Variants in TXNDC9 observed in about 807,000 individuals in gnomAD.
TXNDC9 encodes thioredoxin domain containing 9.
TXNDC9 carries 7 observed loss-of-function variants against 23.0 expected under a neutral mutation model. That is an observed-to-expected ratio of 0.30 (90% CI 0.17 to 0.57). TXNDC9 has a LOEUF of 0.57. Ranked by LOEUF, TXNDC9 falls within the 20% of genes least tolerant of loss-of-function variation. The pLI, the probability that TXNDC9 is intolerant of heterozygous loss-of-function variation, is 0.90. For synonymous variants in TXNDC9, 72 were observed against 90.6 expected, an observed-to-expected ratio of 0.79 and a Z score of 1.17; for missense variants, 198 against 252.6, an observed-to-expected ratio of 0.78 and a Z score of 1.47.
chr2:99,315,021 G>A (rs557190015), downstream of TXNDC9, among the ~76,000 whole-genome samples: 115 of 146,068 alleles, frequency 7.9e-4, no homozygotes, highest in Middle Eastern at 3.9e-3. Flanking sequence ...TCAGCCTCCC[G>A]AGTAGCTGGG....
rs866148310 is a variant in TXNDC9 at position 99,333,034 on chromosome 2, T to C, written c.177A>G (p.Gln59=). The change falls in exon 2 of 5, where the codon CAA becomes CAG. Residue 59 remains glutamine, a synonymous_variant. Transcript: ENST00000264255. ...EKRLQALRKA[Q]QQKQEWLSKG... ...GCAGAGAGGTTACTTGTTTCTGCTG[T>C]TGAGCTTTCCTTAGTGCCTGGAGTC... The C allele has an allele frequency of 6.2e-7, 1 of 1,613,696 alleles. No homozygotes were observed. Among genetic ancestry groups the C allele is most frequent in the Non-Finnish European group, 8.5e-7 (1 of 1,179,688 alleles).
chr2:99,324,012 A>G (rs538932583), intron 3 of TXNDC9, among the ~76,000 whole-genome samples: 2 of 151,922 alleles, frequency 1.3e-5, no homozygotes, highest in South Asian at 4.2e-4. Flanking sequence ...CGCCCGGCTA[A>G]TTTTTGTATT....
At chr2:99,318,150 CCA>C (rs1377314225), downstream of TXNDC9, among the ~76,000 whole-genome samples, 1 of 152,196 alleles carries the variant, frequency 6.6e-6, no homozygotes. Context: ...CTTGGCCTCC[CCA>C]AGTGCTGGGA....
At chr2:99,335,622 G>A (rs1173694433) in intron 1 of TXNDC9, among the ~76,000 whole-genome samples, 1 of 152,186 alleles carries the variant, frequency 6.6e-6, no homozygotes, top group Non-Finnish European at 1.5e-5. Context: ...CAGTGAGGGG[G>A]CTGGAAGGAG....
chr2:99,315,156 G>A (rs2094186180), downstream of TXNDC9, among the ~76,000 whole-genome samples: 3 of 150,856 alleles, frequency 2.0e-5, no homozygotes, highest in Admixed American at 1.3e-4. Flanking sequence ...TCTGCCTCCT[G>A]GGTTCATGCC....
intron 4 of TXNDC9, 72 bp from the exon 5 acceptor site, chr2:99,319,871 C>T (rs2094197449): frequency 1.1e-6 from 1 of 902,414 alleles, no homozygotes; most frequent in African/African-American, 1.7e-5. Flanking sequence ...AAAAATCTAT[C>T]TTTGTTTTCT....
chr2:99,315,690 A>C (rs927959485), downstream of TXNDC9, among the ~76,000 whole-genome samples: 2 of 152,204 alleles, frequency 1.3e-5, no homozygotes, highest in Non-Finnish European at 2.9e-5. Flanking sequence ...ACTTTTGTAT[A>C]TCGCATAAAG....
chr2:99,323,988 G>A (rs1313927276), intron 3 of TXNDC9, among the ~76,000 whole-genome samples: 2 of 152,076 alleles, frequency 1.3e-5, no homozygotes, highest in Non-Finnish European at 2.9e-5. Context: ...TGGGATTACA[G>A]GCACCTGCCA....
downstream of TXNDC9, among the ~76,000 whole-genome samples, chr2:99,317,476 G>A (rs889083412): frequency 2.0e-5 from 3 of 152,108 alleles, no homozygotes; most frequent in Non-Finnish European, 2.9e-5. Flanking sequence ...CAGTCTGGGC[G>A]TGTGCAGTCA....
At chr2:99,333,285 A>T in intron 1 of TXNDC9, 43 bp from the exon 2 acceptor site, 1 of 1,486,242 alleles carries the variant, frequency 6.7e-7, no homozygotes, top group South Asian at 1.3e-5. Context: ...AAATGCAAAC[A>T]ATAAGCAAGG....
downstream of TXNDC9, among the ~76,000 whole-genome samples, chr2:99,314,355 T>C (rs1010143960): frequency 2.4e-4 from 37 of 152,140 alleles, no homozygotes; most frequent in Non-Finnish European, 4.6e-4. Context: ...GAAAAATATC[T>C]GGCTTTGTCT....
At chr2:99,326,647 T>A (rs2094213317) in intron 3 of TXNDC9, among the ~76,000 whole-genome samples, 1 of 152,186 alleles carries the variant, frequency 6.6e-6, no homozygotes, top group Admixed American at 6.5e-5. Flanking sequence ...GAGGAGGTAT[T>A]AACATTTTAT....
Position 99,336,300 on chromosome 2 carries a change from C to A in TXNDC9, c.-94G>T. The A allele has an allele frequency of 3.0e-6, 3 of 985,506 alleles. No homozygotes were observed. The South Asian group carries it at 1.4e-4, about 46-fold the overall frequency. The allele number at this position is 985,506 out of a possible 1,614,324, so 61.0% of individuals were successfully genotyped here. A position where few individuals can be genotyped will look rare whatever the true frequency, so the allele number is the denominator to read the frequency against. On this transcript the variant is annotated 5_prime_UTR_variant, in exon 1 of 5. Transcript: ENST00000264255. ...GCAGTTTCAAAAGACACGTCCACTC[C>A]GGCTTTTGCCTTGCAGTAGCTGCCG... is the stretch of plus-strand genomic sequence containing the variant.
At chr2:99,314,813 C>T (rs12992356), downstream of TXNDC9, among the ~76,000 whole-genome samples, 126,165 of 151,588 alleles carry the variant, frequency 0.83, 53,079 homozygotes, top group Middle Eastern at 0.98. Flanking sequence ...ATTTCCCTGA[C>T]AGTTAATGAT....
intron 2 of TXNDC9, among the ~76,000 whole-genome samples, chr2:99,331,574 G>T (rs1035116677): frequency 2.0e-5 from 3 of 151,586 alleles, no homozygotes; most frequent in African/African-American, 7.3e-5. Flanking sequence ...ATACGGTAGG[G>T]TACAGGTAAA....
intron 2 of TXNDC9, 60 bp from the exon 3 acceptor site, chr2:99,327,713 C>A: frequency 2.0e-6 from 2 of 976,694 alleles, no homozygotes; most frequent in South Asian, 1.5e-5. Context: ...AACCACTTGA[C>A]ATTTTAAGTG....
At chr2:99,317,047 C>T (rs147185127), downstream of TXNDC9, among the ~76,000 whole-genome samples, 613 of 152,286 alleles carry the variant, frequency 4.0e-3, 6 homozygotes, top group African/African-American at 0.014. Context: ...TGAGCTACCG[C>T]GCCCAGCCTA....
intron 1 of TXNDC9, among the ~76,000 whole-genome samples, chr2:99,335,234 C>T (rs946915856): frequency 5.3e-5 from 8 of 152,202 alleles, no homozygotes; most frequent in Non-Finnish European, 8.8e-5. Flanking sequence ...AATTCATTCA[C>T]TCAGCTTCTG....
downstream of TXNDC9, among the ~76,000 whole-genome samples, chr2:99,316,117 C>CTT (rs57142545): frequency 3.4e-3 from 462 of 136,000 alleles, 3 homozygotes; most frequent in African/African-American, 0.011. Flanking sequence ...ATTTCTTTTT[C>CTT]TTTTTTTTTT....
Sources: allele counts gnomAD v4.1 joint callset (sites outside exome capture counted in the v4.1 genomes callset), GRCh38; gene constraint gnomAD v4.1.1; transcripts MANE v1.5; gene names NCBI Gene and HGNC (gene_info 2026-07-23, HGNC 2026-07-21).